Variants in SYCP2L observed in about 807,000 individuals in gnomAD.
SYCP2L encodes synaptonemal complex protein 2-like.
A neutral mutation model predicts 125.8 loss-of-function variants in SYCP2L; 98 were observed. The observed-to-expected ratio is 0.78, with a 90% CI of 0.66 to 0.92. The LOEUF (loss-of-function observed/expected upper bound fraction) is 0.92. Among genes scored for constraint, SYCP2L ranks in the 40% least tolerant of loss-of-function variants. The probability of loss-of-function intolerance (pLI) is 0.00; values close to 1 mark genes in which losing one functional copy is unlikely to be tolerated. For missense variants in SYCP2L, 842 were observed against 936.4 expected (o/e 0.90, Z 1.32); for synonymous variants, 317 against 325.4 (o/e 0.97, Z 0.28).
intron 29 of SYCP2L, among the ~76,000 whole-genome samples, chr6:10,966,858 G>A (rs997293319): frequency 8.5e-5 from 13 of 152,118 alleles, no homozygotes; most frequent in African/African-American, 2.7e-4. Context: ...ATGAAATTTT[G>A]AATGAAATGT....
chr6:10,933,148 G>A (rs1324879790), intron 20 of SYCP2L, among the ~76,000 whole-genome samples: 2 of 152,186 alleles, frequency 1.3e-5, no homozygotes, highest in Non-Finnish European at 2.9e-5. Flanking sequence ...ACAAATACTG[G>A]TATTCAAAAA....
chr6:10,912,741 C>T lies in SYCP2L; in HGVS notation c.987C>T (p.Val329=). ...ACTTCAACCTAGGAAGTCAGAGTGT[C>T]ACTTTTTATATAGACAATGCTGAGG... is the stretch of plus-strand genomic sequence containing the variant. ...WIDFNLGSQS[V]TFYIDNAENT... Residue 329 remains valine, a synonymous_variant, in exon 13 of 30, where the codon GTC becomes GTT. Coordinates refer to ENST00000283141, the MANE Select transcript of SYCP2L (RefSeq NM_001040274.3). This position sits in a 1 kb window ranked among gnomAD's most constrained non-coding sequence, Gnocchi z 4.1. 1.2e-6 allele frequency: 2 copies of T among 1,613,788 alleles called. No homozygotes were observed. The highest frequency in any genetic ancestry group is 1.1e-5 in the South Asian group (1 of 91,024).
chr6:10,949,359 T>A (rs1353943476), intron 23 of SYCP2L, among the ~76,000 whole-genome samples: 1 of 152,196 alleles, frequency 6.6e-6, no homozygotes, highest in Non-Finnish European at 1.5e-5. Context: ...ATGTATTTTT[T>A]AAAACCCAGT....
chr6:10,911,435 C>G (rs1205342973), intron 12 of SYCP2L, among the ~76,000 whole-genome samples: 1 of 152,124 alleles, frequency 6.6e-6, no homozygotes, highest in Non-Finnish European at 1.5e-5. Context: ...GGAAGCTTGA[C>G]TTTGTTTGAG....
chr6:10,944,614 C>G (rs916210029), intron 23 of SYCP2L, among the ~76,000 whole-genome samples: 1 of 152,060 alleles, frequency 6.6e-6, no homozygotes, highest in African/African-American at 2.4e-5. Flanking sequence ...TATGTTACTA[C>G]ATTTAATGCT....
chr6:10,963,865 G>A, intron 29 of SYCP2L, 22 bp downstream of exon 29: 1 of 1,587,676 alleles, frequency 6.3e-7, no homozygotes, highest in Non-Finnish European at 8.6e-7. Context: ...GATTTGCATT[G>A]TTCAGTGGAT....
rs1465114592 is a variant in SYCP2L at position 10,954,445 on chromosome 6, TGGA to T, written c.1955-666_1955-664del. 1.3e-5 allele frequency among the ~76,000 whole-genome samples: 2 copies of T among 152,010 alleles called. No homozygotes were observed. Among genetic ancestry groups the T allele is most frequent in the South Asian group, 2.1e-4 (1 of 4,812 alleles). ...CATTCCATAGGCAGAACCTTGAGGA[TGGA>T]GGAGAAGCGGGCAGCAAAGAAAAGG... is the stretch of plus-strand genomic sequence containing the variant. On this transcript the variant is annotated intron_variant, in intron 23 of 29. Coordinates refer to ENST00000283141, the MANE Select transcript of SYCP2L (RefSeq NM_001040274.3). This position sits in a 1 kb window ranked among gnomAD's most constrained non-coding sequence, Gnocchi z 4.8.
At chr6:10,923,380 C>CTTTTTTTTTTT (rs1226992236) in intron 14 of SYCP2L, among the ~76,000 whole-genome samples, 1 of 92,460 alleles carries the variant, frequency 1.1e-5, no homozygotes, top group Non-Finnish European at 2.0e-5. Context: ...GAAACACACA[C>CTTTTTTTTTTT]TTTTTTTTTT....
At chr6:10,940,914 C>A (rs60539777) in intron 21 of SYCP2L, among the ~76,000 whole-genome samples, 3 of 151,838 alleles carry the variant, frequency 2.0e-5, no homozygotes, top group Non-Finnish European at 2.9e-5. Context: ...AATCCCTGCC[C>A]GTGTTATTTG....
At chr6:10,905,371 C>G (rs9467905) in intron 8 of SYCP2L, among the ~76,000 whole-genome samples, 60,698 of 151,154 alleles carry the variant, frequency 0.4, 12,522 homozygotes, top group South Asian at 0.48. Flanking sequence ...CGGCTCACTG[C>G]AACCTCCGCC....
intron 4 of SYCP2L, among the ~76,000 whole-genome samples, 183 bp from the exon 5 acceptor site, chr6:10,897,828 G>C (rs1780284377): frequency 6.6e-6 from 1 of 152,176 alleles, no homozygotes; most frequent in African/African-American, 2.4e-5. Flanking sequence ...CAGCTCTGTA[G>C]TAGTATGGCA....
chr6:10,913,560 G>T (rs935504934), intron 14 of SYCP2L, among the ~76,000 whole-genome samples: 2 of 152,034 alleles, frequency 1.3e-5, no homozygotes, highest in Non-Finnish European at 2.9e-5. Context: ...CCCACTTTTG[G>T]ATGGGATTTT....
intron 18 of SYCP2L, among the ~76,000 whole-genome samples, chr6:10,929,766 C>T (rs1024385100): frequency 4.0e-5 from 6 of 151,602 alleles, no homozygotes; most frequent in African/African-American, 1.5e-4. Context: ...GAAACTCCGT[C>T]TCTAGTAAAA....
At chr6:10,960,467 C>G (rs1781575776) in intron 26 of SYCP2L, among the ~76,000 whole-genome samples, 3 of 152,104 alleles carry the variant, frequency 2.0e-5, no homozygotes, top group Admixed American at 2.0e-4. Flanking sequence ...GTTTTAGGTG[C>G]TTTTCATTGA....
At chr6:10,961,250 TC>T in intron 26 of SYCP2L, 54 bp from the exon 27 acceptor site, 2 of 1,386,442 alleles carry the variant, frequency 1.4e-6, no homozygotes, top group Non-Finnish European at 2.0e-6. Flanking sequence ...ATTAAGAAAG[TC>T]TGCTGTCACA....
At position 10,898,861 on chromosome 6, in the gene SYCP2L, T is replaced by C. The variant is rs1490693191; in HGVS notation, c.466+13T>C. 1 of 1,360,194 alleles carries C rather than the reference T, an allele frequency of 7.4e-7. No individual in the cohort carries two copies. Among genetic ancestry groups the C allele is most frequent in the Admixed American group, 1.7e-5 (1 of 57,678 alleles). 84.3% of individuals were successfully genotyped at this position (1,360,194 alleles called of 1,614,324 possible). On this transcript the variant is annotated intron_variant, in intron 6 of 29. Coordinates refer to ENST00000283141, the MANE Select transcript of SYCP2L (RefSeq NM_001040274.3). ...AGTAGTAGTGAAGGTAAGTATATTATTGGCTACTAATTGGCTATTAATTTT... is the reference window on the plus strand; with the variant it reads ...AGTAGTAGTGAAGGTAAGTATATTACTGGCTACTAATTGGCTATTAATTTT...
intron 29 of SYCP2L, among the ~76,000 whole-genome samples, chr6:10,973,540 A>C (rs1454323225): frequency 6.6e-6 from 1 of 152,124 alleles, no homozygotes; most frequent in African/African-American, 2.4e-5. Context: ...CAAAATAATA[A>C]TAATAATAAT....
At chr6:10,919,780 C>T (rs1238209265) in intron 14 of SYCP2L, among the ~76,000 whole-genome samples, 1 of 152,024 alleles carries the variant, frequency 6.6e-6, no homozygotes, top group Non-Finnish European at 1.5e-5. Flanking sequence ...GTGAGGTTCC[C>T]AGGTCAATGG....
chr6:10,955,025 C>A, intron 23 of SYCP2L, 91 bp from the exon 24 acceptor site: 1 of 847,782 alleles, frequency 1.2e-6, no homozygotes, highest in Non-Finnish European at 2.0e-6. Context: ...GGACAAGTTT[C>A]AGATGGTACT....
Sources: gnomAD v4.1 joint callset for allele counts (sites outside exome capture counted in the v4.1 genomes callset) on GRCh38, gnomAD v4.1.1 for gene constraint, Gnocchi (gnomAD v3.1) non-coding constraint, MANE v1.5 for transcripts, NCBI Gene and HGNC (gene_info 2026-07-23, HGNC 2026-07-21) for gene names.